PTPRD: variants seen among roughly 807,000 people sequenced by gnomAD.
PTPRD encodes receptor-type tyrosine-protein phosphatase delta.
In PTPRD, 34 loss-of-function variants were observed where a neutral mutation model predicts 214.5. That is an observed-to-expected ratio of 0.16 (90% confidence interval 0.12 to 0.21). The LOEUF (loss-of-function observed/expected upper bound fraction) is 0.21. Among genes scored for constraint, PTPRD ranks in the 10% least tolerant of loss-of-function variants. PTPRD has a pLI of 1.00. For synonymous variants in PTPRD, 1,128 were observed against 845.7 expected (o/e 1.33, Z -5.79); for missense variants, 2,545 against 2,398.7 (o/e 1.06, Z -1.27).
At chr9:9,988,650 C>T (rs1029444138) in intron 4 of PTPRD, among the ~76,000 whole-genome samples, 5 of 151,788 alleles carry the variant, frequency 3.3e-5, no homozygotes, top group Admixed American at 3.3e-4. Flanking sequence ...AATGTCAGTT[C>T]TTTTTATTTT....
At chr9:10,545,305 T>C (rs1386733402) in intron 2 of PTPRD, among the ~76,000 whole-genome samples, 1 of 152,190 alleles carries the variant, frequency 6.6e-6, no homozygotes, top group East Asian at 1.9e-4. Flanking sequence ...GAGGTATTCA[T>C]AGCCTACCAT....
intron 3 of PTPRD, among the ~76,000 whole-genome samples, chr9:10,276,011 A>G (rs1197712003): frequency 6.6e-6 from 1 of 152,210 alleles, no homozygotes; most frequent in East Asian, 1.9e-4. Context: ...ATTTTCAGGT[A>G]TCTTGTCCCT....
At chr9:10,062,520 C>G (rs2097792961) in intron 3 of PTPRD, among the ~76,000 whole-genome samples, 1 of 151,994 alleles carries the variant, frequency 6.6e-6, no homozygotes, top group African/African-American at 2.4e-5. Flanking sequence ...GCAGGAGAAT[C>G]ACTTAAACCC....
chr9:9,194,658 A>G (rs888398482), intron 9 of PTPRD, among the ~76,000 whole-genome samples: 1 of 152,164 alleles, frequency 6.6e-6, no homozygotes, highest in Non-Finnish European at 1.5e-5. Flanking sequence ...AAAGGCAAAT[A>G]AGAAGTGAGG....
At chr9:10,131,259 G>A (rs79688433) in intron 3 of PTPRD, among the ~76,000 whole-genome samples, 2,964 of 152,138 alleles carry the variant, frequency 0.019, 86 homozygotes, top group African/African-American at 0.067. Context: ...AGACTACTGC[G>A]TGCATCTCTA....
At chr9:9,908,055 A>T (rs2078098131) in intron 5 of PTPRD, among the ~76,000 whole-genome samples, 1 of 143,392 alleles carries the variant, frequency 7.0e-6, no homozygotes, top group Non-Finnish European at 1.5e-5. Flanking sequence ...ATACACCAAG[A>T]TTAGGATAAA....
chr9:10,604,229 G>C (rs983295347), intron 2 of PTPRD, among the ~76,000 whole-genome samples: 1 of 151,712 alleles, frequency 6.6e-6, no homozygotes, highest in Non-Finnish European at 1.5e-5. Context: ...AGCAGCATTT[G>C]ATTCACACCA....
chr9:10,170,763 C>A (rs923647571), intron 3 of PTPRD, among the ~76,000 whole-genome samples: 1 of 152,160 alleles, frequency 6.6e-6, no homozygotes, highest in African/African-American at 2.4e-5. Context: ...CAAATATTAT[C>A]ATTTTTGACA....
intron 2 of PTPRD, among the ~76,000 whole-genome samples, chr9:10,389,999 T>C (rs1226456883): frequency 6.6e-6 from 1 of 151,990 alleles, no homozygotes; most frequent in East Asian, 2.0e-4. Flanking sequence ...TGATAATTAA[T>C]GAGCTCAAGA....
At chr9:9,209,721 A>C (rs1187229453) in intron 9 of PTPRD, among the ~76,000 whole-genome samples, 1 of 152,220 alleles carries the variant, frequency 6.6e-6, no homozygotes, top group Non-Finnish European at 1.5e-5. Context: ...TCATTATACT[A>C]TTCTGTTGAT....
intron 11 of PTPRD, among the ~76,000 whole-genome samples, chr9:8,784,557 T>C (rs1038290168): frequency 4.6e-5 from 7 of 152,204 alleles, no homozygotes; most frequent in Admixed American, 1.3e-4. Flanking sequence ...AATCTGGTTT[T>C]ATTGCATTTT....
chr9:8,323,522 T>C (rs2130993519), intron 44 of PTPRD, among the ~76,000 whole-genome samples: 1 of 152,070 alleles, frequency 6.6e-6, no homozygotes, highest in African/African-American at 2.4e-5. Flanking sequence ...GTAACAGGAG[T>C]TTGGAAGAAG....
At chr9:9,446,240 G>C (rs995203885) in intron 8 of PTPRD, among the ~76,000 whole-genome samples, 7 of 152,072 alleles carry the variant, frequency 4.6e-5, no homozygotes, top group Admixed American at 4.6e-4. Flanking sequence ...TCATATTAAG[G>C]TTAACACAAA....
rs566811709 is a variant in PTPRD at position 8,339,105 on chromosome 9, TTATC to T, written c.5254-62_5254-59del. The stretch of plus-strand genomic sequence containing the variant: ...CAAAGTATAAAGAACATTCTGTATA[TTATC>T]TATCTATCTATCTAATCTATCTAAT... On this transcript the variant is annotated intron_variant, in intron 42 of 45. Coordinates refer to ENST00000381196, the MANE Select transcript of PTPRD (RefSeq NM_002839.4). 1.4e-3 allele frequency: 2,028 copies of T among 1,498,584 alleles called. 12 individuals are homozygous for T. The African/African-American group carries it at 0.014, about 10-fold the overall frequency. The allele number at this position is 1,498,584 out of a possible 1,614,324, so 92.8% of individuals were successfully genotyped here. A position where few individuals can be genotyped will look rare whatever the true frequency, so the allele number is the denominator to read the frequency against.
chr9:9,824,042 C>G (rs1278567842), intron 5 of PTPRD, among the ~76,000 whole-genome samples: 1 of 151,998 alleles, frequency 6.6e-6, no homozygotes, highest in Admixed American at 6.6e-5. Context: ...ATGCAGTCAA[C>G]TCTTAGTTTC....
intron 9 of PTPRD, among the ~76,000 whole-genome samples, chr9:9,292,120 A>G (rs1443708175): frequency 1.3e-5 from 2 of 151,278 alleles, no homozygotes; most frequent in African/African-American, 2.4e-5. Flanking sequence ...TGAAAAATAT[A>G]GTGACATGGA....
intron 5 of PTPRD, among the ~76,000 whole-genome samples, chr9:9,784,304 T>C (rs574834675): frequency 9.2e-5 from 14 of 152,228 alleles, no homozygotes; most frequent in Non-Finnish European, 1.8e-4. Flanking sequence ...GAATTTACTA[T>C]GGAAAATTTT....
intron 11 of PTPRD, among the ~76,000 whole-genome samples, chr9:8,852,979 G>A (rs1376979627): frequency 6.6e-6 from 1 of 152,134 alleles, no homozygotes; most frequent in Non-Finnish European, 1.5e-5. Context: ...GAGCGTGGCA[G>A]TACACACGGA....
At chr9:8,320,093 A>G (rs1448198047) in intron 44 of PTPRD, 127 bp from the exon 45 acceptor site, 2 of 1,107,712 alleles carry the variant, frequency 1.8e-6, no homozygotes, top group African/African-American at 1.6e-5. Context: ...ATTCAGGAAA[A>G]CATGGTATCA....
Sources: allele counts gnomAD v4.1 joint callset (sites outside exome capture counted in the v4.1 genomes callset), GRCh38; gene constraint gnomAD v4.1.1; transcripts MANE v1.5; gene names NCBI Gene and HGNC (gene_info 2026-07-23, HGNC 2026-07-21).